Variants in C12orf42 observed in about 807,000 individuals in gnomAD.
C12orf42 encodes the protein uncharacterized protein C12orf42.
Under a neutral mutation model 21.6 loss-of-function variants are expected in C12orf42, and 25 were observed. The observed-to-expected ratio is 1.16, with a 90% CI of 0.84 to 1.62. The LOEUF (loss-of-function observed/expected upper bound fraction) is 1.62, where lower values mean the gene tolerates loss of function less well. C12orf42 is among the 40% of genes most tolerant of loss of function. The probability of loss-of-function intolerance (pLI) is 0.00; values close to 1 mark genes in which losing one functional copy is unlikely to be tolerated. For missense variants in C12orf42, 483 were observed against 459.3 expected (o/e 1.05, Z -0.47); for synonymous variants, 174 against 175.0 (o/e 0.99, Z 0.05).
At chr12:103,517,126 G>A in the C12orf42 span, among the ~76,000 whole-genome samples, 24 of 152,338 alleles carry the variant, frequency 1.6e-4, no homozygotes, top group African/African-American at 5.5e-4. Flanking sequence ...TAAGACCAAT[G>A]GGATGGAGCA....
chr12:103,146,610 A>AAGAAAGAAAG, the C12orf42 span, among the ~76,000 whole-genome samples: 5 of 147,676 alleles, frequency 3.4e-5, no homozygotes, highest in Admixed American at 1.4e-4. Context: ...GAAAGAAAGA[A>AAGAAAGAAAG]AAAGAAAAGT....
chr12:103,302,508 G>C lies in C12orf42; in HGVS notation c.683C>G (p.Thr228Arg), dbSNP rs747232327. Residue 228 changes from threonine to arginine, a missense_variant, in exon 6 of 6, where the codon ACG becomes AGG. Thr to Arg is a moderately conservative substitution (Grantham distance 71). Transcript: ENST00000548883. The part of the protein sequence containing the change: ...TAIGLCRRSQ[T>R]PGALQSTGPS... Reference sequence around the variant, plus strand: ...GCCGGTGCTCTGCAGAGCGCCGGGCGTCTGGCTCCTCCTGCAGAGGCCGAT... The same window carrying C: ...GCCGGTGCTCTGCAGAGCGCCGGGCCTCTGGCTCCTCCTGCAGAGGCCGAT... The C allele has an allele frequency of 1.2e-6, 2 of 1,613,082 alleles. No individual in the cohort carries two copies. The highest frequency in any genetic ancestry group is 2.7e-5 in the African/African-American group (2 of 74,836).
intron 10 of C12orf42, among the ~76,000 whole-genome samples, chr12:103,257,296 C>T (rs1291978093): frequency 2.0e-5 from 3 of 152,096 alleles, no homozygotes; most frequent in South Asian, 4.2e-4. Flanking sequence ...TAACAAACCC[C>T]TATGATGCAA....
the C12orf42 span, among the ~76,000 whole-genome samples, chr12:103,070,839 G>T: frequency 6.6e-6 from 1 of 152,150 alleles, no homozygotes; most frequent in Admixed American, 6.6e-5. Context: ...TCATGAAAGT[G>T]AGTGTCAACA....
intron 3 of C12orf42, among the ~76,000 whole-genome samples, chr12:103,387,527 C>A (rs1219754037): frequency 6.6e-6 from 1 of 152,208 alleles, no homozygotes; most frequent in East Asian, 1.9e-4. Context: ...TCAGTGCAAG[C>A]CTTGCCAAGG....
the C12orf42 span, among the ~76,000 whole-genome samples, chr12:103,212,322 A>T: frequency 6.6e-6 from 1 of 152,234 alleles, no homozygotes; most frequent in African/African-American, 2.4e-5. Flanking sequence ...AAGGAGGTCC[A>T]TAAAATGCAG....
At chr12:103,180,445 A>G in the C12orf42 span, among the ~76,000 whole-genome samples, 85 of 152,140 alleles carry the variant, frequency 5.6e-4, no homozygotes, top group Admixed American at 1.9e-3. Context: ...TGGAGTTTGG[A>G]GCAATATTTG....
the C12orf42 span, among the ~76,000 whole-genome samples, chr12:103,541,196 G>A: frequency 0.037 from 5,596 of 152,172 alleles, 136 homozygotes; most frequent in South Asian, 0.072. Context: ...GAGCCACTGC[G>A]CCCAGCTAAT....
the C12orf42 span, among the ~76,000 whole-genome samples, chr12:103,527,942 T>C: frequency 1.1e-4 from 16 of 152,354 alleles, no homozygotes; most frequent in African/African-American, 3.8e-4. Flanking sequence ...ATGGGATAAG[T>C]AAAACGGGGT....
At chr12:103,129,849 G>A in the C12orf42 span, among the ~76,000 whole-genome samples, 1 of 152,156 alleles carries the variant, frequency 6.6e-6, no homozygotes, top group Admixed American at 6.5e-5. Flanking sequence ...CCCATATTGT[G>A]GAGACATCTG....
chr12:103,104,656 G>A, the C12orf42 span, among the ~76,000 whole-genome samples: 1 of 152,192 alleles, frequency 6.6e-6, no homozygotes, highest in Non-Finnish European at 1.5e-5. Flanking sequence ...GGCCGGGATG[G>A]TCTCAATCTC....
intron 3 of C12orf42, among the ~76,000 whole-genome samples, chr12:103,393,407 T>G (rs139637724): frequency 6.6e-6 from 1 of 152,120 alleles, no homozygotes; most frequent in Admixed American, 6.5e-5. Flanking sequence ...TACCAAGCGA[T>G]GAGGGATCCA....
the C12orf42 span, among the ~76,000 whole-genome samples, chr12:103,142,607 C>T: frequency 6.6e-6 from 1 of 152,064 alleles, no homozygotes; most frequent in African/African-American, 2.4e-5. Flanking sequence ...CTTCATTTTA[C>T]CCACCTCTTT....
the C12orf42 span, among the ~76,000 whole-genome samples, chr12:103,153,239 A>C: frequency 6.6e-6 from 1 of 152,304 alleles, no homozygotes; most frequent in South Asian, 2.1e-4. Flanking sequence ...GAAAAAATAC[A>C]GCAGAACATC....
At chr12:103,394,750 G>A (rs923591030) in intron 3 of C12orf42, among the ~76,000 whole-genome samples, 19 of 152,140 alleles carry the variant, frequency 1.2e-4, no homozygotes, top group African/African-American at 4.6e-4. Flanking sequence ...AGATGGGGTC[G>A]CTTTCCATTC....
intron 3 of C12orf42, among the ~76,000 whole-genome samples, chr12:103,391,302 G>C (rs1283251996): frequency 1.3e-5 from 2 of 152,060 alleles, no homozygotes; most frequent in Non-Finnish European, 2.9e-5. Context: ...TAAAATTGCT[G>C]AGTCATATGG....
intron 2 of C12orf42, among the ~76,000 whole-genome samples, chr12:103,403,700 G>A (rs576164048): frequency 1.9e-4 from 29 of 152,256 alleles, no homozygotes; most frequent in African/African-American, 6.0e-4. Context: ...AAGAATCACC[G>A]GGGGAAAATT....
the C12orf42 span, among the ~76,000 whole-genome samples, chr12:103,118,461 C>T: frequency 6.6e-6 from 1 of 152,176 alleles, no homozygotes; most frequent in Non-Finnish European, 1.5e-5. Flanking sequence ...GGACCTTTCA[C>T]ATATGGAAGT....
intron 2 of C12orf42, among the ~76,000 whole-genome samples, chr12:103,420,914 A>G (rs1016860380): frequency 3.9e-5 from 6 of 152,210 alleles, no homozygotes; most frequent in African/African-American, 1.4e-4. Flanking sequence ...CGTTAATTCC[A>G]CTATTTCTTC....
Sources: allele counts gnomAD v4.1 joint callset (sites outside exome capture counted in the v4.1 genomes callset), GRCh38; gene constraint gnomAD v4.1.1; transcripts MANE v1.5; gene names NCBI Gene and HGNC (gene_info 2026-07-23, HGNC 2026-07-21).